Variants in TGFBRAP1 observed in about 807,000 individuals in gnomAD.
The protein encoded by TGFBRAP1 is transforming growth factor-beta receptor-associated protein 1.
In TGFBRAP1, 20 loss-of-function variants were observed where a neutral mutation model predicts 83.2. That is an observed-to-expected ratio of 0.24 (90% CI 0.17 to 0.35). The LOEUF is 0.35. TGFBRAP1 is among the 10% of genes least tolerant of loss of function. The pLI is 1.00. For missense variants in TGFBRAP1, 950 were observed against 1,099.4 expected, an observed-to-expected ratio of 0.86 and a Z score of 1.92; for synonymous variants, 415 against 459.8, an observed-to-expected ratio of 0.90 and a Z score of 1.25.
At chr2:105,324,223 T>C (rs1230821305) in intron 1 of TGFBRAP1, 1 of 152,176 alleles carries the variant, frequency 6.6e-6, no homozygotes, top group Non-Finnish European at 1.5e-5. Flanking sequence ...ATACAAGACG[T>C]TAACAAAAGA....
chr2:105,272,900 G>T lies in TGFBRAP1; in HGVS notation c.1927C>A (p.Arg643=). 8.1e-6 allele frequency: 13 copies of T among 1,610,002 alleles called. No individual in the cohort carries two copies. Among genetic ancestry groups the T allele is most frequent in the Non-Finnish European group, 1.1e-5 (13 of 1,179,924 alleles). Reference sequence around the variant, plus strand: ...TATAAATCAGATTTCTGGAGCAGCCGCCGCAGCTTGGCCTGCGTCTCGGTG... The same window carrying T: ...TATAAATCAGATTTCTGGAGCAGCCTCCGCAGCTTGGCCTGCGTCTCGGTG... ...EATETQAKLR[R]LLQKSDLYRV... is the part of the protein sequence containing the mutation. Residue 643 remains arginine, a synonymous_variant, in exon 10 of 12, where the codon CGG becomes AGG. Transcript: ENST00000393359.
chr2:105,313,427 T>A (rs1678754606), intron 1 of TGFBRAP1, among the ~76,000 whole-genome samples: 1 of 152,232 alleles, frequency 6.6e-6, no homozygotes, highest in Non-Finnish European at 1.5e-5. Context: ...ACACTGTCTA[T>A]CCTACAAAGC....
At position 105,269,450 on chromosome 2, in the gene TGFBRAP1, C is replaced by T. The variant is rs755371712; in HGVS notation, c.2228G>A (p.Arg743His). The T allele has an allele frequency of 3.2e-5, 52 of 1,613,570 alleles. No individual in the cohort carries two copies. Among genetic ancestry groups the T allele is most frequent in the Admixed American group, 1.2e-4 (7 of 59,978 alleles). ...LAVAAVDLLN[R>H]HATEFDAAQV... The stretch of plus-strand genomic sequence containing the variant: ...GGCTGCATCAAATTCGGTGGCGTGG[C>T]GGTTCAGCAGGTCCACGGCAGCCAC... The change falls in exon 11 of 12, where the codon CGC becomes CAC. Residue 743 changes from arginine to histidine, a missense_variant. Arg to His is a conservative substitution (Grantham distance 29, BLOSUM62 0). Coordinates refer to ENST00000393359, the MANE Select transcript of TGFBRAP1 (RefSeq NM_004257.6). The surrounding 1 kb of genome is among the most constrained non-coding windows in gnomAD (Gnocchi z 4.1).
At chr2:105,294,177 A>G (rs1456640751) in intron 4 of TGFBRAP1, among the ~76,000 whole-genome samples, 1 of 152,168 alleles carries the variant, frequency 6.6e-6, no homozygotes, top group East Asian at 1.9e-4. Context: ...GAGGGTTAAA[A>G]CAACAAATGT....
intron 1 of TGFBRAP1, among the ~76,000 whole-genome samples, chr2:105,316,462 T>TGTGTGCGCGCGCGCGC (rs1177329674): frequency 1.4e-4 from 12 of 84,814 alleles, no homozygotes; most frequent in African/African-American, 4.3e-4. Context: ...TGTGTGTGTG[T>TGTGTGCGCGCGCGCGC]GCGCGCGCGC....
At chr2:105,259,902 G>C (rs1368255901), downstream of TGFBRAP1, among the ~76,000 whole-genome samples, 1 of 152,130 alleles carries the variant, frequency 6.6e-6, no homozygotes, top group African/African-American at 2.4e-5. Context: ...CTGCTTGTTG[G>C]TCTGTTTGGA....
At chr2:105,278,066 A>ATATG (rs1553402095) in intron 6 of TGFBRAP1, among the ~76,000 whole-genome samples, 1 of 113,702 alleles carries the variant, frequency 8.8e-6, no homozygotes, top group East Asian at 2.2e-4. Context: ...CTCAAAAAAT[A>ATATG]TATGTGTGTG....
the TGFBRAP1 span, among the ~76,000 whole-genome samples, chr2:105,254,550 G>T: frequency 6.6e-6 from 1 of 151,888 alleles, no homozygotes; most frequent in African/African-American, 2.4e-5. Flanking sequence ...AACCAATTTG[G>T]GCTGGAAGAA....
At chr2:105,273,143 T>C in intron 9 of TGFBRAP1, 129 bp from the exon 10 acceptor site, 1 of 1,193,012 alleles carries the variant, frequency 8.4e-7, no homozygotes, top group Non-Finnish European at 1.2e-6. Flanking sequence ...GCTCACTTGC[T>C]GGATCGAAAC....
intron 1 of TGFBRAP1, among the ~76,000 whole-genome samples, chr2:105,310,325 T>C (rs1678650064): frequency 6.6e-6 from 1 of 152,132 alleles, no homozygotes; most frequent in African/African-American, 2.4e-5. Flanking sequence ...GCTTCAGGTG[T>C]TTATTTCCCA....
chr2:105,281,349 C>A (rs1420755459), intron 5 of TGFBRAP1, among the ~76,000 whole-genome samples: 2 of 152,210 alleles, frequency 1.3e-5, no homozygotes, highest in Non-Finnish European at 2.9e-5. Flanking sequence ...ACAATCAGAG[C>A]AGGAGCTGTG....
rs759371306 is a variant in TGFBRAP1 at position 105,307,677 on chromosome 2, T to C, written c.625A>G (p.Arg209Gly). 3 of 1,613,990 alleles carry C rather than the reference T, an allele frequency of 1.9e-6. No individual in the cohort carries two copies. Among genetic ancestry groups the C allele is most frequent in the African/African-American group, 2.7e-5 (2 of 74,906 alleles). ...QDLFPYCSEE[R>G]PPIVKRIGRQ... Reference sequence around the variant, plus strand: ...CCTATCCTCTTGACGATCGGCGGCCTCTCCTCACTGCAGTAGGGAAACAGG... The same window carrying C: ...CCTATCCTCTTGACGATCGGCGGCCCCTCCTCACTGCAGTAGGGAAACAGG... The change falls in exon 2 of 12, where the codon AGG becomes GGG. Residue 209 changes from arginine (R) to glycine (G), a missense_variant. By Grantham distance (125) the Arg-to-Gly change is moderately radical. Transcript: ENST00000393359.
chr2:105,280,304 C>T (rs1013917983), intron 6 of TGFBRAP1, 78 bp downstream of exon 6: 15 of 1,462,814 alleles, frequency 1.0e-5, no homozygotes, highest in South Asian at 2.6e-5. Flanking sequence ...AGTCACTTCA[C>T]GAGGATCTCC....
chr2:105,293,252 A>G (rs532041285), intron 4 of TGFBRAP1, among the ~76,000 whole-genome samples: 1 of 152,354 alleles, frequency 6.6e-6, no homozygotes, highest in South Asian at 2.1e-4. Context: ...AAATCAGGTA[A>G]TATTTTGTGT....
chr2:105,260,573 G>A (rs1222421655), downstream of TGFBRAP1, among the ~76,000 whole-genome samples: 4 of 152,158 alleles, frequency 2.6e-5, no homozygotes, highest in Admixed American at 6.5e-5. Context: ...GTAGAATGGT[G>A]GGTGTCAGGG....
intron 1 of TGFBRAP1, among the ~76,000 whole-genome samples, chr2:105,318,965 A>G (rs1678970016): frequency 6.6e-6 from 1 of 151,410 alleles, no homozygotes; most frequent in East Asian, 2.0e-4. Context: ...TTACTATCTT[A>G]CTCTTCTTTC....
At chr2:105,283,923 C>A (rs1002080780) in intron 5 of TGFBRAP1, among the ~76,000 whole-genome samples, 1 of 152,172 alleles carries the variant, frequency 6.6e-6, no homozygotes, top group African/African-American at 2.4e-5. Flanking sequence ...TCTTTTCCCC[C>A]CTGCACTAAG....
At chr2:105,316,462 T>TGC (rs764527678) in intron 1 of TGFBRAP1, among the ~76,000 whole-genome samples, 1,508 of 84,638 alleles carry the variant, frequency 0.018, 20 homozygotes, top group Middle Eastern at 0.034. Context: ...TGTGTGTGTG[T>TGC]GCGCGCGCGC....
chr2:105,323,476 GAGCAGGAC>G (rs1235631273), intron 1 of TGFBRAP1, among the ~76,000 whole-genome samples: 6 of 152,186 alleles, frequency 3.9e-5, no homozygotes, highest in African/African-American at 7.2e-5. Context: ...CGTGGGTATT[GAGCAGGAC>G]AGGCAGGTAT....
Sources: gnomAD v4.1 joint callset for allele counts (sites outside exome capture counted in the v4.1 genomes callset) on GRCh38, gnomAD v4.1.1 for gene constraint, Gnocchi (gnomAD v3.1) non-coding constraint, MANE v1.5 for transcripts, NCBI Gene and HGNC (gene_info 2026-07-23, HGNC 2026-07-21) for gene names.